RFTN1: variants seen among roughly 807,000 people sequenced by gnomAD.
The protein encoded by RFTN1 is raftlin, lipid raft linker 1.
In RFTN1, 26 loss-of-function variants were observed where a neutral mutation model predicts 46.5. The ratio of observed to expected loss-of-function variants is 0.56; its 90% CI spans 0.41 to 0.78. The LOEUF (loss-of-function observed/expected upper bound fraction) is 0.78. Among genes scored for constraint, RFTN1 ranks in the 30% least tolerant of loss-of-function variants. The pLI is 0.00. For synonymous variants in RFTN1, 261 were observed against 284.2 expected, an observed-to-expected ratio of 0.92 and a Z score of 0.82; for missense variants, 693 against 718.7, an observed-to-expected ratio of 0.96 and a Z score of 0.41.
At position 16,321,830 on chromosome 3, in the gene RFTN1, C is replaced by T. The variant is rs1393108082; in HGVS notation, c.1332+1546G>A. 6.6e-6 allele frequency among the ~76,000 whole-genome samples: 1 copy of T among 152,202 alleles called. No homozygotes were observed. Among genetic ancestry groups the T allele is most frequent in the Admixed American group, 6.5e-5 (1 of 15,278 alleles). ...GAGGAGAGTCAGTTCAACCTTATTA[C>T]AGCAGCTTTTACAAATCTATCTCTA... On this transcript the variant is annotated intron_variant, in intron 9 of 9. Transcript: ENST00000334133. The surrounding 1 kb of genome is among the most constrained non-coding windows in gnomAD (Gnocchi z 4.8).
At chr3:16,467,942 G>A (rs534826079) in intron 2 of RFTN1, among the ~76,000 whole-genome samples, 10 of 152,274 alleles carry the variant, frequency 6.6e-5, no homozygotes, top group Admixed American at 5.9e-4. Context: ...TGGGGAAAGA[G>A]GGTGAGAGAA....
At chr3:16,414,307 A>AAAAAG (rs1553588868) in intron 3 of RFTN1, among the ~76,000 whole-genome samples, 3 of 151,836 alleles carry the variant, frequency 2.0e-5, no homozygotes, top group Middle Eastern at 3.4e-3. Context: ...AAAAAAAAAA[A>AAAAAG]AAAGAAAGAA....
chr3:16,492,904 A>C (rs990316815), intron 2 of RFTN1, among the ~76,000 whole-genome samples: 1 of 152,198 alleles, frequency 6.6e-6, no homozygotes. Flanking sequence ...TCTGATGCTG[A>C]TGCTGACCAT....
chr3:16,415,434 C>T (rs1459445278), intron 3 of RFTN1, among the ~76,000 whole-genome samples: 40 of 95,322 alleles, frequency 4.2e-4, no homozygotes, highest in South Asian at 1.1e-3. Flanking sequence ...TATATATACA[C>T]ACACACACAC....
intron 4 of RFTN1, among the ~76,000 whole-genome samples, chr3:16,396,697 G>A (rs2074476990): frequency 6.6e-6 from 1 of 152,120 alleles, no homozygotes; most frequent in Non-Finnish European, 1.5e-5. Context: ...CCAAGAAAAT[G>A]CAATAAAGTA....
In RFTN1 at chr3:16,342,905, T is replaced by G. The variant is rs946251300; in HGVS notation, c.1146+15027A>C. On this transcript the variant is annotated intron_variant, in intron 7 of 9. Coordinates refer to ENST00000334133, the MANE Select transcript of RFTN1 (RefSeq NM_015150.2). The surrounding 1 kb of genome is among the most constrained non-coding windows in gnomAD (Gnocchi z 4.0). Reference sequence around the variant, plus strand: ...AAGACCCACTGACTTTGAGTCTCGATCTCAGCTCACTGCAGCCTCAACCTC... The same window carrying G: ...AAGACCCACTGACTTTGAGTCTCGAGCTCAGCTCACTGCAGCCTCAACCTC... Among the ~76,000 whole-genome samples, 22 of 152,192 alleles carry G rather than the reference T, an allele frequency of 1.4e-4. No individual in the cohort carries two copies. Among genetic ancestry groups the G allele is most frequent in the Admixed American group, 5.9e-4 (9 of 15,282 alleles).
chr3:16,406,949 C>G (rs1189580801), intron 4 of RFTN1, among the ~76,000 whole-genome samples: 1 of 152,104 alleles, frequency 6.6e-6, no homozygotes, highest in Non-Finnish European at 1.5e-5. Context: ...AGAATGCTGG[C>G]ATAAAAGTTA....
At position 16,383,843 on chromosome 3, in the gene RFTN1, G is replaced by T. The variant is rs1378828739; in HGVS notation, c.442-5741C>A. On this transcript the variant is annotated intron_variant, in intron 4 of 9. Transcript: ENST00000334133. The surrounding 1 kb of genome is among the most constrained non-coding windows in gnomAD (Gnocchi z 4.0). The stretch of plus-strand genomic sequence containing the variant: ...GTCCACAGCCTGTAGTAGATAGCAT[G>T]GGTAAAGAGTCAGAGACACTTCCAA... 8.5e-5 allele frequency among the ~76,000 whole-genome samples: 13 copies of T among 152,162 alleles called. No homozygotes were observed. The highest frequency in any genetic ancestry group is 4.4e-5 in the Non-Finnish European group (3 of 68,030).
At chr3:16,502,214 A>T (rs546975083) in intron 1 of RFTN1, among the ~76,000 whole-genome samples, 1 of 152,230 alleles carries the variant, frequency 6.6e-6, no homozygotes, top group South Asian at 2.1e-4. Flanking sequence ...AAAAAAATTT[A>T]AAAAAGAAAT....
intron 2 of RFTN1, among the ~76,000 whole-genome samples, chr3:16,493,258 G>C (rs941294459): frequency 6.7e-6 from 1 of 149,822 alleles, no homozygotes; most frequent in Non-Finnish European, 1.5e-5. Context: ...TTGAGACAGA[G>C]TCTCGCTCTC....
At chr3:16,398,271 A>AAAAAAAAAAAAAAAG (rs1559322564) in intron 4 of RFTN1, among the ~76,000 whole-genome samples, 3 of 149,586 alleles carry the variant, frequency 2.0e-5, no homozygotes, top group African/African-American at 7.4e-5. Context: ...AAAAAAAAAA[A>AAAAAAAAAAAAAAAG]AAGAAGCATC....
chr3:16,321,066 T>A lies in RFTN1; in HGVS notation c.1332+2310A>T, dbSNP rs564617945. On this transcript the variant is annotated intron_variant, in intron 9 of 9. Transcript: ENST00000334133. This position sits in a 1 kb window ranked among gnomAD's most constrained non-coding sequence, Gnocchi z 4.8. Reference sequence around the variant, plus strand: ...AACACAGATGGGTCTTAAGGATAGATTGAATATAGGGGAAGGAGAGGGGAG... The same window carrying A: ...AACACAGATGGGTCTTAAGGATAGAATGAATATAGGGGAAGGAGAGGGGAG... Among the ~76,000 whole-genome samples, 1 of 151,754 alleles carries A rather than the reference T, an allele frequency of 6.6e-6. No homozygotes were observed. The highest frequency in any genetic ancestry group is 2.4e-5 in the African/African-American group (1 of 41,286).
intron 3 of RFTN1, among the ~76,000 whole-genome samples, 165 bp from the exon 4 acceptor site, chr3:16,409,648 G>C (rs1223513588): frequency 6.6e-6 from 1 of 151,458 alleles, no homozygotes. Context: ...CTCCCGAATA[G>C]CTGGGATTAC....
chr3:16,466,904 G>C lies in RFTN1; in HGVS notation c.145+26821C>G, dbSNP rs1057456509. On this transcript the variant is annotated intron_variant, in intron 2 of 9. Transcript: ENST00000334133. This position sits in a 1 kb window ranked among gnomAD's most constrained non-coding sequence, Gnocchi z 5.6. Reference sequence around the variant, plus strand: ...ACAGTAATTACGCTACAGACAAAGGGAGGGAGGATAAAAAGGAAGGTCACT... The same window carrying C: ...ACAGTAATTACGCTACAGACAAAGGCAGGGAGGATAAAAAGGAAGGTCACT... 6.6e-6 allele frequency among the ~76,000 whole-genome samples: 1 copy of C among 152,222 alleles called. No homozygotes were observed. Among genetic ancestry groups the C allele is most frequent in the Admixed American group, 6.5e-5 (1 of 15,282 alleles).
chr3:16,323,185 C>T (rs1316725031), intron 9 of RFTN1, among the ~76,000 whole-genome samples, 191 bp downstream of exon 9: 1 of 152,158 alleles, frequency 6.6e-6, no homozygotes, highest in African/African-American at 2.4e-5. Context: ...GCAGACAAGG[C>T]CCTCCAGTCC....
At position 16,352,324 on chromosome 3, in the gene RFTN1, G is replaced by A. The variant is rs1421718109; in HGVS notation, c.1146+5608C>T. Among the ~76,000 whole-genome samples the A allele has an allele frequency of 6.6e-6, 1 of 152,208 alleles. No individual in the cohort carries two copies. The highest frequency in any genetic ancestry group is 1.5e-5 in the Non-Finnish European group (1 of 68,046). On this transcript the variant is annotated intron_variant, in intron 7 of 9. Coordinates refer to ENST00000334133, the MANE Select transcript of RFTN1 (RefSeq NM_015150.2). The surrounding 1 kb of genome is among the most constrained non-coding windows in gnomAD (Gnocchi z 4.6). ...TGGTGTCTATAAGCTCTGATGGGCT[G>A]TCAGGCTCAAAGATAAACAGATTCA...
chr3:16,409,424 G>C lies in RFTN1; in HGVS notation c.392C>G (p.Ser131Cys). Residue 131 changes from serine (S) to cysteine (C), a missense_variant, in exon 4 of 10, where the codon TCC becomes TGC. Coordinates refer to ENST00000334133, the MANE Select transcript of RFTN1 (RefSeq NM_015150.2). ...GYILELDCCSSLDHPTDQKLI... is the reference protein window; with the variant it reads ...GYILELDCCSCLDHPTDQKLI... Reference sequence around the variant, plus strand: ...TTTCTGGTCTGTCGGGTGGTCTAAGGAGGAACAGCAATCTAATTCCAAGAT... The same window carrying C: ...TTTCTGGTCTGTCGGGTGGTCTAAGCAGGAACAGCAATCTAATTCCAAGAT... 6.2e-7 allele frequency: 1 copy of C among 1,613,868 alleles called. No individual in the cohort carries two copies. Among genetic ancestry groups the C allele is most frequent in the Non-Finnish European group, 8.5e-7 (1 of 1,179,782 alleles).
In RFTN1 at chr3:16,342,649, G is replaced by A. The variant is rs2071391865; in HGVS notation, c.1146+15283C>T. Among the ~76,000 whole-genome samples the A allele has an allele frequency of 1.3e-5, 2 of 152,174 alleles. No individual in the cohort carries two copies. Among genetic ancestry groups the A allele is most frequent in the Non-Finnish European group, 1.5e-5 (1 of 68,026 alleles). Reference sequence around the variant, plus strand: ...AAAAAGTTATAAGAATGAAAGCAGAGGCCTCTTGGCCTCACTAGACTAGTT... The same window carrying A: ...AAAAAGTTATAAGAATGAAAGCAGAAGCCTCTTGGCCTCACTAGACTAGTT... On this transcript the variant is annotated intron_variant, in intron 7 of 9. Coordinates refer to ENST00000334133, the MANE Select transcript of RFTN1 (RefSeq NM_015150.2). The surrounding 1 kb of genome is among the most constrained non-coding windows in gnomAD (Gnocchi z 4.0).
At chr3:16,434,476 C>G (rs977921785) in intron 2 of RFTN1, among the ~76,000 whole-genome samples, 1 of 151,938 alleles carries the variant, frequency 6.6e-6, no homozygotes, top group Admixed American at 6.6e-5. Flanking sequence ...ATCGCTTGAG[C>G]TGGAAATGGG....
Sources: gnomAD v4.1 joint callset for allele counts (sites outside exome capture counted in the v4.1 genomes callset) on GRCh38, gnomAD v4.1.1 for gene constraint, Gnocchi (gnomAD v3.1) non-coding constraint, MANE v1.5 for transcripts, NCBI Gene and HGNC (gene_info 2026-07-23, HGNC 2026-07-21) for gene names.